TMPRSS15: variants seen among roughly 807,000 people sequenced by gnomAD.
TMPRSS15 encodes enteropeptidase.
TMPRSS15 carries 128 observed loss-of-function variants against 125.3 expected under a neutral mutation model. The observed-to-expected ratio is 1.02, with a 90% CI of 0.89 to 1.18. TMPRSS15 has a LOEUF of 1.18. Among genes scored for constraint, TMPRSS15 ranks in the 50% most tolerant of loss-of-function variants. The pLI is 0.00. For missense variants in TMPRSS15, 1,283 were observed against 1,212.7 expected (o/e 1.06, Z -0.86); for synonymous variants, 446 against 423.2 (o/e 1.05, Z -0.66).
chr21:18,402,544 A>AAT (rs1555910411), intron 1 of TMPRSS15, among the ~76,000 whole-genome samples: 1 of 151,492 alleles, frequency 6.6e-6, no homozygotes, highest in Non-Finnish European at 1.5e-5. Context: ...AAAAAAAAAA[A>AAT]AGAGAGAATT....
intron 24 of TMPRSS15, among the ~76,000 whole-genome samples, chr21:18,270,487 T>C (rs1454949119): frequency 6.6e-6 from 1 of 152,180 alleles, no homozygotes; most frequent in African/African-American, 2.4e-5. Flanking sequence ...TAAGGAGATC[T>C]GCTGTAAGTG....
At chr21:18,397,834 A>C (rs753182918) in intron 3 of TMPRSS15, 45 bp downstream of exon 3, 9 of 1,103,298 alleles carry the variant, frequency 8.2e-6, no homozygotes, top group Non-Finnish European at 1.2e-5. Context: ...TTAGCAAAAA[A>C]ATCACTAATT....
chr21:18,396,808 G>GTCTGTCTGTCTATCTATCTATCTATCTA (rs1461927983), intron 3 of TMPRSS15, among the ~76,000 whole-genome samples: 37 of 107,874 alleles, frequency 3.4e-4, no homozygotes, highest in South Asian at 1.1e-3. Context: ...CTGTCTGTCT[G>GTCTGTCTGTCTATCTATCTATCTATCTA]TCTATCTATC....
intron 1 of TMPRSS15, among the ~76,000 whole-genome samples, chr21:18,441,378 A>C (rs926302328): frequency 2.6e-5 from 4 of 151,912 alleles, no homozygotes; most frequent in African/African-American, 9.7e-5. Flanking sequence ...AGGCCGAGGC[A>C]GGCAGATCAT....
At chr21:18,393,982 C>G (rs1056631814) in intron 3 of TMPRSS15, among the ~76,000 whole-genome samples, 3 of 152,022 alleles carry the variant, frequency 2.0e-5, no homozygotes, top group Non-Finnish European at 4.4e-5. Context: ...CTAAGTAAGC[C>G]CTATATGTGT....
At chr21:18,316,285 C>A (rs1025311731) in intron 16 of TMPRSS15, among the ~76,000 whole-genome samples, 3 of 152,148 alleles carry the variant, frequency 2.0e-5, no homozygotes, top group African/African-American at 7.2e-5. Flanking sequence ...AGTATCTCTT[C>A]AATAAACAAA....
chr21:18,437,311 T>C (rs946458127), intron 1 of TMPRSS15, among the ~76,000 whole-genome samples: 4 of 152,024 alleles, frequency 2.6e-5, no homozygotes, highest in Admixed American at 6.6e-5. Flanking sequence ...TTACATCTTA[T>C]ACAAAAATTA....
chr21:18,343,940 G>A lies in TMPRSS15; in HGVS notation c.1277+15C>T, dbSNP rs750175440. 36 of 1,604,908 alleles carry A rather than the reference G, an allele frequency of 2.2e-5. No homozygotes were observed. The highest frequency in any genetic ancestry group is 6.7e-5 in the Admixed American group (4 of 59,978). On this transcript the variant is annotated intron_variant, in intron 11 of 24. Coordinates refer to ENST00000284885, the MANE Select transcript of TMPRSS15 (RefSeq NM_002772.3). ...ATTAAAAAAGACAGCGTTTAAACAG[G>A]TGTCTACAACATACCAGAAACTAAG...
chr21:18,467,824 C>T (rs1466561305), intron 1 of TMPRSS15, among the ~76,000 whole-genome samples: 4 of 151,922 alleles, frequency 2.6e-5, no homozygotes, highest in Admixed American at 6.6e-5. Context: ...TACCAATAAA[C>T]GAATCTAAGA....
At chr21:18,352,122 C>G (rs2075575879) in intron 10 of TMPRSS15, among the ~76,000 whole-genome samples, 1 of 151,976 alleles carries the variant, frequency 6.6e-6, no homozygotes, top group Admixed American at 6.6e-5. Context: ...TTGTAACTCT[C>G]ACTTCAGTGA....
intron 1 of TMPRSS15, among the ~76,000 whole-genome samples, chr21:18,424,672 A>G (rs1459516656): frequency 1.3e-5 from 2 of 152,094 alleles, no homozygotes; most frequent in African/African-American, 4.8e-5. Flanking sequence ...GAGCCGGGGG[A>G]AAAAGGACTG....
chr21:18,452,968 A>G (rs1308719009), intron 1 of TMPRSS15, among the ~76,000 whole-genome samples: 3 of 152,162 alleles, frequency 2.0e-5, no homozygotes, highest in African/African-American at 7.2e-5. Context: ...CATAAGATCT[A>G]CCATCTTAAC....
intron 13 of TMPRSS15, among the ~76,000 whole-genome samples, chr21:18,341,061 G>C (rs2075440717): frequency 1.3e-5 from 2 of 151,952 alleles, no homozygotes; most frequent in Non-Finnish European, 2.9e-5. Context: ...ATTGTTTTTT[G>C]TTTTGTTTTG....
At chr21:18,431,892 C>G (rs2076217038) in intron 1 of TMPRSS15, among the ~76,000 whole-genome samples, 1 of 152,094 alleles carries the variant, frequency 6.6e-6, no homozygotes, top group Non-Finnish European at 1.5e-5. Flanking sequence ...TATGCTACTT[C>G]CACATATTGA....
intron 1 of TMPRSS15, among the ~76,000 whole-genome samples, chr21:18,419,780 T>A (rs1006146763): frequency 6.6e-6 from 1 of 152,156 alleles, no homozygotes; most frequent in Non-Finnish European, 1.5e-5. Context: ...CATCCTGCCC[T>A]GGTATGTGAC....
At chr21:18,310,634 A>G (rs1465105092) in intron 18 of TMPRSS15, among the ~76,000 whole-genome samples, 1 of 152,118 alleles carries the variant, frequency 6.6e-6, no homozygotes, top group Non-Finnish European at 1.5e-5. Context: ...AATACTACCC[A>G]ATCCCTATTT....
chr21:18,326,484 T>C lies in TMPRSS15; in HGVS notation c.1869A>G (p.Ala623=), dbSNP rs773048154. 1.2e-6 allele frequency: 2 copies of C among 1,614,160 alleles called. No individual in the cohort carries two copies. The highest frequency in any genetic ancestry group is 2.2e-5 in the South Asian group (2 of 91,090). The part of the protein sequence containing the change: ...TVLLITNDVL[A]RGGFKANFTT... ...TAAAGTTTGCTTTAAACCCTCCTCT[T>C]GCCAACACATCGTTAGTGATGAGAA... The change falls in exon 16 of 25, where the codon GCA becomes GCG. Residue 623 remains alanine (A), a synonymous_variant. Coordinates refer to ENST00000284885, the MANE Select transcript of TMPRSS15 (RefSeq NM_002772.3).
chr21:18,374,195 C>A (rs570980049), intron 5 of TMPRSS15, among the ~76,000 whole-genome samples: 8 of 152,040 alleles, frequency 5.3e-5, no homozygotes, highest in Non-Finnish European at 1.0e-4. Context: ...ATCAATAGGC[C>A]GGGCGCGGTG....
intron 1 of TMPRSS15, among the ~76,000 whole-genome samples, chr21:18,473,025 A>T (rs900802899): frequency 3.3e-5 from 5 of 152,116 alleles, no homozygotes; most frequent in Non-Finnish European, 5.9e-5. Context: ...GACTAGGATA[A>T]GAAATCTGTT....
Sources: gnomAD v4.1 joint callset for allele counts (sites outside exome capture counted in the v4.1 genomes callset) on GRCh38, gnomAD v4.1.1 for gene constraint, MANE v1.5 for transcripts, NCBI Gene and HGNC (gene_info 2026-07-23, HGNC 2026-07-21) for gene names.